Variants in RBFOX1 observed in about 807,000 individuals in gnomAD.
The protein encoded by RBFOX1 is RNA binding fox-1 homolog 1, also known as RNA binding protein fox-1 homolog 1.
A neutral mutation model predicts 57.7 loss-of-function variants in RBFOX1; 8 were observed. That is an observed-to-expected ratio of 0.14 (90% CI 0.08 to 0.25). RBFOX1 has a LOEUF of 0.25. RBFOX1 is among the 10% of genes least tolerant of loss of function. The pLI is 1.00. For missense variants in RBFOX1, 611 were observed against 548.5 expected, an observed-to-expected ratio of 1.11 and a Z score of -1.14; for synonymous variants, 326 against 222.4, an observed-to-expected ratio of 1.47 and a Z score of -4.15.
At chr16:6,351,246 A>G (rs747054303) in intron 2 of RBFOX1, among the ~76,000 whole-genome samples, 1 of 150,408 alleles carries the variant, frequency 6.6e-6, no homozygotes, top group Non-Finnish European at 1.5e-5. Context: ...ATATATGCAT[A>G]TGCGTTTGAA....
intron 4 of RBFOX1, among the ~76,000 whole-genome samples, chr16:5,884,280 T>C (rs190901376): frequency 1.3e-5 from 2 of 152,238 alleles, no homozygotes; most frequent in African/African-American, 4.8e-5. Flanking sequence ...GTGATACAGT[T>C]GAGAGCTTTT....
At chr16:7,431,613 A>G (rs151064036) in intron 4 of RBFOX1, among the ~76,000 whole-genome samples, 7 of 152,344 alleles carry the variant, frequency 4.6e-5, no homozygotes, top group African/African-American at 1.4e-4. Flanking sequence ...GTCATCGGTG[A>G]TATTTAATGC....
At chr16:5,441,652 A>G (rs1320456572) in intron 1 of RBFOX1, among the ~76,000 whole-genome samples, 3 of 152,292 alleles carry the variant, frequency 2.0e-5, no homozygotes, top group East Asian at 3.9e-4. Context: ...GGTGTGAGCC[A>G]CTGTTCCTGG....
At chr16:5,909,649 C>A (rs938301495) in intron 4 of RBFOX1, among the ~76,000 whole-genome samples, 4 of 152,184 alleles carry the variant, frequency 2.6e-5, no homozygotes, top group African/African-American at 9.7e-5. Context: ...GGCATCTCTA[C>A]CTGAGGTCTG....
At chr16:7,119,733 G>A (rs1446507709) in intron 4 of RBFOX1, among the ~76,000 whole-genome samples, 2 of 151,998 alleles carry the variant, frequency 1.3e-5, no homozygotes, top group East Asian at 3.9e-4. Context: ...TGATAGAACT[G>A]AAAAGAGAAA....
At chr16:7,071,449 A>G (rs973086353) in intron 4 of RBFOX1, among the ~76,000 whole-genome samples, 5 of 152,048 alleles carry the variant, frequency 3.3e-5, no homozygotes, top group South Asian at 2.1e-4. Context: ...CATTTAAAGG[A>G]TATATATGTA....
At chr16:5,524,958 C>G (rs1227470167) in intron 2 of RBFOX1, among the ~76,000 whole-genome samples, 1 of 152,170 alleles carries the variant, frequency 6.6e-6, no homozygotes, top group Non-Finnish European at 1.5e-5. Context: ...GGGTGCATTT[C>G]TAATAAGCAC....
At chr16:7,080,828 C>A (rs1004330479) in intron 4 of RBFOX1, among the ~76,000 whole-genome samples, 4 of 152,298 alleles carry the variant, frequency 2.6e-5, no homozygotes, top group East Asian at 1.9e-4. Context: ...TTTTCGCTGT[C>A]ACTTTGCCTC....
chr16:5,774,292 C>T (rs2054075747), intron 3 of RBFOX1, among the ~76,000 whole-genome samples: 1 of 152,172 alleles, frequency 6.6e-6, no homozygotes, highest in Admixed American at 6.5e-5. Flanking sequence ...TTTTCTGTTT[C>T]TGGATTAATA....
In RBFOX1 at chr16:7,059,778, A is replaced by C. The variant is rs552630288; in HGVS notation, c.27+7680A>C. Among the ~76,000 whole-genome samples the C allele has an allele frequency of 5.3e-5, 8 of 152,236 alleles. No individual in the cohort carries two copies. In the East Asian group the frequency reaches 1.4e-3, roughly 26 times the overall value. On this transcript the variant is annotated intron_variant, in intron 4 of 15. Transcript: ENST00000550418. Reference sequence around the variant, plus strand: ...TCACCCGTTGCAGTGTCTGCTTGCCAAGAGTCAGTTGTATTTGTTCCCAGG... The same window carrying C: ...TCACCCGTTGCAGTGTCTGCTTGCCCAGAGTCAGTTGTATTTGTTCCCAGG...
intron 2 of RBFOX1, among the ~76,000 whole-genome samples, chr16:6,357,768 G>A (rs990907435): frequency 1.1e-4 from 17 of 151,870 alleles, no homozygotes; most frequent in African/African-American, 4.1e-4. Context: ...GGCGAACATC[G>A]TGAAACACCC....
chr16:5,633,110 T>C (rs1278307412), intron 3 of RBFOX1, among the ~76,000 whole-genome samples: 1 of 152,042 alleles, frequency 6.6e-6, no homozygotes, highest in African/African-American at 2.4e-5. Context: ...GGCTAATTTT[T>C]GTATTTTTAA....
chr16:7,567,971 A>G (rs1038349973), intron 5 of RBFOX1, among the ~76,000 whole-genome samples: 1 of 151,714 alleles, frequency 6.6e-6, no homozygotes, highest in Non-Finnish European at 1.5e-5. Flanking sequence ...TGCCCAAGAA[A>G]AAACATTAAA....
intron 4 of RBFOX1, among the ~76,000 whole-genome samples, chr16:7,073,664 C>A (rs1336472224): frequency 6.6e-6 from 1 of 151,670 alleles, no homozygotes; most frequent in South Asian, 2.1e-4. Context: ...GGCACCATGG[C>A]AAAACCCCTT....
At chr16:5,597,648 C>T (rs1215887012) in intron 2 of RBFOX1, among the ~76,000 whole-genome samples, 2 of 152,046 alleles carry the variant, frequency 1.3e-5, no homozygotes, top group Non-Finnish European at 2.9e-5. Flanking sequence ...GATCTGTCCG[C>T]CTCGGCCTTG....
At chr16:6,840,762 C>T (rs931768506) in intron 3 of RBFOX1, among the ~76,000 whole-genome samples, 1 of 151,820 alleles carries the variant, frequency 6.6e-6, no homozygotes, top group Non-Finnish European at 1.5e-5. Context: ...TGGTGTGCAC[C>T]TGTAGTCCCA....
At chr16:6,556,677 T>C (rs78717482) in intron 2 of RBFOX1, among the ~76,000 whole-genome samples, 3,238 of 152,308 alleles carry the variant, frequency 0.021, 121 homozygotes, top group African/African-American at 0.072. Flanking sequence ...TGTTTTGTTA[T>C]AATCACATGA....
intron 4 of RBFOX1, among the ~76,000 whole-genome samples, chr16:7,181,711 C>T (rs570083345): frequency 2.2e-4 from 33 of 152,030 alleles, no homozygotes; most frequent in Admixed American, 6.6e-4. Flanking sequence ...TACAGGTATG[C>T]ACGATGCCTG....
intron 2 of RBFOX1, among the ~76,000 whole-genome samples, chr16:6,627,802 C>A (rs1258395704): frequency 2.6e-5 from 4 of 152,048 alleles, no homozygotes; most frequent in African/African-American, 9.7e-5. Context: ...GCTGTGTGTG[C>A]CCTACAAGGA....
Sources: allele counts gnomAD v4.1 joint callset (sites outside exome capture counted in the v4.1 genomes callset), GRCh38; gene constraint gnomAD v4.1.1; transcripts MANE v1.5; gene names NCBI Gene and HGNC (gene_info 2026-07-23, HGNC 2026-07-21).